The following RARB variants were observed in gnomAD, a reference collection of about 807,000 sequenced individuals.
RARB encodes the protein retinoic acid receptor beta.
A neutral mutation model predicts 51.9 loss-of-function variants in RARB; 17 were observed. The ratio of observed to expected loss-of-function variants is 0.33; its 90% CI spans 0.22 to 0.49. The LOEUF is 0.49. Ranked by LOEUF, RARB falls within the 20% of genes least tolerant of loss-of-function variation. The pLI, the probability that RARB is intolerant of heterozygous loss-of-function variation, is 0.99. For missense variants in RARB, 369 were observed against 550.8 expected, an observed-to-expected ratio of 0.67 and a Z score of 3.30; for synonymous variants, 215 against 195.4, an observed-to-expected ratio of 1.10 and a Z score of -0.84.
intron 1 of RARB, among the ~76,000 whole-genome samples, chr3:25,449,527 C>T (rs1467185807): frequency 6.6e-6 from 1 of 152,160 alleles, no homozygotes; most frequent in African/African-American, 2.4e-5. Context: ...GGGACAGCTG[C>T]TTGTGACAGG....
At chr3:25,120,924 T>A (rs1699774348) in intron 3 of RARB, among the ~76,000 whole-genome samples, 2 of 152,292 alleles carry the variant, frequency 1.3e-5, no homozygotes, top group Admixed American at 6.5e-5. Context: ...AACTGAGTAG[T>A]CGCTACAGAG....
chr3:25,593,110 A>T (rs1267119176), intron 5 of RARB, among the ~76,000 whole-genome samples: 1 of 152,208 alleles, frequency 6.6e-6, no homozygotes, highest in African/African-American at 2.4e-5. Flanking sequence ...TATGCATTTA[A>T]TAAATTGTCA....
chr3:25,302,695 C>T (rs564650542), intron 5 of RARB, among the ~76,000 whole-genome samples: 69 of 152,250 alleles, frequency 4.5e-4, no homozygotes, highest in Non-Finnish European at 7.8e-4. Context: ...TATTTGCCCA[C>T]CTTTGTGAAT....
intron 4 of RARB, among the ~76,000 whole-genome samples, chr3:25,146,609 G>A (rs1327366690): frequency 6.7e-6 from 1 of 150,060 alleles, no homozygotes; most frequent in Non-Finnish European, 1.5e-5. Context: ...CCGGGTTCTC[G>A]CCATTCTCCT....
chr3:25,119,129 A>C (rs77391476), intron 3 of RARB, among the ~76,000 whole-genome samples: 53 of 152,252 alleles, frequency 3.5e-4, no homozygotes, highest in Non-Finnish European at 6.3e-4. Context: ...GAAGATGGGT[A>C]GTTCTGGAAT....
intron 5 of RARB, among the ~76,000 whole-genome samples, chr3:25,233,492 A>G (rs553607764): frequency 1.6e-4 from 25 of 152,252 alleles, no homozygotes; most frequent in Non-Finnish European, 3.5e-4. Context: ...TAATGTGAAT[A>G]GAGAGTTTTA....
At chr3:24,830,033 G>T (rs997615370) in intron 1 of RARB, among the ~76,000 whole-genome samples, 9 of 152,176 alleles carry the variant, frequency 5.9e-5, no homozygotes, top group Non-Finnish European at 1.2e-4. Context: ...GTAGCGCCAG[G>T]CTGCACATGG....
chr3:25,129,210 T>TATTTCA (rs1699907361), intron 3 of RARB, among the ~76,000 whole-genome samples: 2 of 152,116 alleles, frequency 1.3e-5, no homozygotes, highest in Non-Finnish European at 2.9e-5. Context: ...GGAAAAGAAT[T>TATTTCA]ATTTCAATTT....
intron 5 of RARB, among the ~76,000 whole-genome samples, chr3:25,400,602 T>A (rs1463474481): frequency 6.6e-6 from 1 of 152,098 alleles, no homozygotes; most frequent in East Asian, 1.9e-4. Flanking sequence ...TGGAACAGAG[T>A]CAAGTGTACC....
chr3:24,895,656 C>G (rs1267487532), intron 2 of RARB, among the ~76,000 whole-genome samples: 1 of 151,240 alleles, frequency 6.6e-6, no homozygotes, highest in Admixed American at 6.6e-5. Context: ...CTCTTTCACC[C>G]AGGCTGGGTC....
At chr3:25,022,154 A>G (rs1045546224) in intron 2 of RARB, among the ~76,000 whole-genome samples, 5 of 152,206 alleles carry the variant, frequency 3.3e-5, no homozygotes, top group Non-Finnish European at 7.3e-5. Context: ...GTGTACATGT[A>G]GAAAAGTAAC....
At chr3:25,456,350 G>A (rs1440699376) in intron 1 of RARB, among the ~76,000 whole-genome samples, 1 of 151,972 alleles carries the variant, frequency 6.6e-6, no homozygotes, top group African/African-American at 2.4e-5. Flanking sequence ...CTTGGGGGGT[G>A]GAGGAAGGCA....
intron 5 of RARB, among the ~76,000 whole-genome samples, chr3:25,233,426 G>A (rs190283663): frequency 6.6e-6 from 1 of 152,164 alleles, no homozygotes; most frequent in East Asian, 1.9e-4. Context: ...GTTCTAGGAG[G>A]TTTGTGTGTG....
At chr3:25,473,599 T>G (rs1262064656) in intron 2 of RARB, among the ~76,000 whole-genome samples, 1 of 152,204 alleles carries the variant, frequency 6.6e-6, no homozygotes, top group Non-Finnish European at 1.5e-5. Flanking sequence ...GTAGAACTGT[T>G]TTTATAAAGC....
At chr3:24,853,279 T>C (rs1702586144) in intron 1 of RARB, among the ~76,000 whole-genome samples, 1 of 152,144 alleles carries the variant, frequency 6.6e-6, no homozygotes, top group East Asian at 1.9e-4. Context: ...ATCGCGCCAC[T>C]GCACTCCAGC....
chr3:24,880,355 G>A (rs983201865), intron 2 of RARB, among the ~76,000 whole-genome samples: 4 of 151,960 alleles, frequency 2.6e-5, no homozygotes, highest in African/African-American at 9.7e-5. Flanking sequence ...AAAACTGGGG[G>A]TGGGGGCAAC....
intron 3 of RARB, among the ~76,000 whole-genome samples, chr3:25,110,005 T>A (rs533102137): frequency 2.8e-4 from 42 of 152,316 alleles, no homozygotes; most frequent in African/African-American, 1.0e-3. Flanking sequence ...ATAATACTTG[T>A]GTTCTTTTTT....
At chr3:25,144,954 T>C (rs1416393181) in intron 4 of RARB, among the ~76,000 whole-genome samples, 1 of 152,174 alleles carries the variant, frequency 6.6e-6, no homozygotes, top group East Asian at 1.9e-4. Context: ...ACTTTCATAA[T>C]TTACAACATT....
intron 2 of RARB, among the ~76,000 whole-genome samples, chr3:24,975,376 G>C (rs546155216): frequency 1.3e-5 from 2 of 152,228 alleles, no homozygotes; most frequent in South Asian, 2.1e-4. Flanking sequence ...TCCAGGCACT[G>C]TTTTTGGTGT....
Sources: allele counts gnomAD v4.1 joint callset (sites outside exome capture counted in the v4.1 genomes callset), GRCh38; gene constraint gnomAD v4.1.1; transcripts MANE v1.5; gene names NCBI Gene and HGNC (gene_info 2026-07-23, HGNC 2026-07-21).